Variants in STK31 observed in about 807,000 individuals in gnomAD.
STK31 encodes the protein serine/threonine kinase 31.
A neutral mutation model predicts 129.7 loss-of-function variants in STK31; 89 were observed. The ratio of observed to expected loss-of-function variants is 0.69; its 90% confidence interval spans 0.58 to 0.82. STK31 has a LOEUF of 0.82. Among genes scored for constraint, STK31 ranks in the 40% least tolerant of loss-of-function variants. The pLI is 0.00. For synonymous variants in STK31, 448 were observed against 395.3 expected (o/e 1.13, Z -1.58); for missense variants, 1,187 against 1,176.4 (o/e 1.01, Z -0.13).
At chr7:23,762,982 AT>A in intron 11 of STK31, 59 bp downstream of exon 11, 1 of 1,404,530 alleles carries the variant, frequency 7.1e-7, no homozygotes, top group Non-Finnish European at 9.5e-7. Flanking sequence ...AAGAAGTGAA[AT>A]TAGCATTTAC....
At chr7:23,778,048 C>T (rs1163833297) in intron 15 of STK31, among the ~76,000 whole-genome samples, 2 of 152,168 alleles carry the variant, frequency 1.3e-5, no homozygotes, top group South Asian at 2.1e-4. Context: ...CAAAGTCTCT[C>T]AGCATTTGCT....
At chr7:23,810,668 AAT>A (rs1793040109) in intron 22 of STK31, among the ~76,000 whole-genome samples, 1 of 133,082 alleles carries the variant, frequency 7.5e-6, no homozygotes, top group Non-Finnish European at 1.6e-5. Flanking sequence ...AAAAATATAT[AAT>A]ATATATAAAA....
intron 23 of STK31, among the ~76,000 whole-genome samples, chr7:23,825,508 G>T (rs1794087767): frequency 6.6e-6 from 1 of 151,878 alleles, no homozygotes; most frequent in South Asian, 2.1e-4. Flanking sequence ...TATTAGTCTT[G>T]CTAGCAGTTT....
chr7:23,769,724 A>C lies in STK31; in HGVS notation c.1681A>C (p.Ser561Arg). The part of the protein sequence containing the change: ...IDEILEKTES[S>R]VCKELEIALV... The stretch of plus-strand genomic sequence containing the variant: ...TGAAATCCTAGAGAAGACTGAGTCA[A>C]GTGTCTGCAAAGAGCTGGAGATAGC... Residue 561 changes from serine to arginine, a missense_variant, in exon 13 of 24, where the codon AGT becomes CGT. Physicochemically the swap from Ser to Arg is moderately radical, Grantham distance 110. This residue lies in a region of STK31 where 975 missense variants were observed against 934.9 expected (regional missense o/e 1.04). Coordinates refer to ENST00000355870, the MANE Select transcript of STK31 (RefSeq NM_031414.5). 1 of 1,610,972 alleles carries C rather than the reference A, an allele frequency of 6.2e-7. No homozygotes were observed. Among genetic ancestry groups the C allele is most frequent in the East Asian group, 2.2e-5 (1 of 44,796 alleles).
At chr7:23,754,968 A>G (rs1454951571) in intron 10 of STK31, 1 of 152,494 alleles carries the variant, frequency 6.6e-6, no homozygotes, top group African/African-American at 2.4e-5. Context: ...ATACGTGTGC[A>G]TGTGTCTTTA....
At chr7:23,752,399 G>T (rs1232872677) in intron 8 of STK31, among the ~76,000 whole-genome samples, 3 of 150,220 alleles carry the variant, frequency 2.0e-5, no homozygotes, top group African/African-American at 7.4e-5. Context: ...GCCCAGGCTG[G>T]AGTGCTGTGG....
At chr7:23,797,509 C>T (rs1052642117) in intron 22 of STK31, among the ~76,000 whole-genome samples, 2 of 152,306 alleles carry the variant, frequency 1.3e-5, no homozygotes, top group East Asian at 3.9e-4. Context: ...TCCTGAATGA[C>T]TACTGGGTAA....
At chr7:23,752,160 A>G (rs985619847) in intron 8 of STK31, among the ~76,000 whole-genome samples, 2 of 152,216 alleles carry the variant, frequency 1.3e-5, no homozygotes, top group Non-Finnish European at 2.9e-5. Context: ...ACAATTTAAA[A>G]AAAGACATAG....
chr7:23,732,097 C>A (rs1787467109), intron 6 of STK31, among the ~76,000 whole-genome samples: 1 of 151,862 alleles, frequency 6.6e-6, no homozygotes, highest in Non-Finnish European at 1.5e-5. Flanking sequence ...TGGCTTGAGT[C>A]CAGGAGTTTG....
intron 22 of STK31, among the ~76,000 whole-genome samples, chr7:23,802,488 G>A (rs1177311740): frequency 2.0e-5 from 3 of 152,080 alleles, no homozygotes; most frequent in Non-Finnish European, 4.4e-5. Flanking sequence ...GCACGGAGAC[G>A]TTTGAGGGGA....
chr7:23,717,442 A>T, intron 3 of STK31, 39 bp from the exon 4 acceptor site: 3 of 1,388,162 alleles, frequency 2.2e-6, no homozygotes, highest in Non-Finnish European at 3.0e-6. Context: ...CTGTAAAATA[A>T]TATTTTACTG....
intron 21 of STK31, among the ~76,000 whole-genome samples, chr7:23,790,036 T>C (rs1263050575): frequency 6.6e-6 from 1 of 152,146 alleles, no homozygotes; most frequent in Non-Finnish European, 1.5e-5. Flanking sequence ...TGCAAATTAA[T>C]ATTCAGCATT....
At chr7:23,736,318 T>C (rs1180641406) in intron 7 of STK31, among the ~76,000 whole-genome samples, 3 of 152,222 alleles carry the variant, frequency 2.0e-5, no homozygotes, top group African/African-American at 4.8e-5. Flanking sequence ...TTTCTTCTTC[T>C]TGTGAAAACT....
rs187646099 is a variant in STK31, at chr7:23,823,337, C to G, written c.2829+8125C>G. The stretch of plus-strand genomic sequence containing the variant: ...CATTGTGGTTTTGATTTGCATTTCT[C>G]TGATGGCCAGTGATGATGAGCATTT... On this transcript the variant is annotated intron_variant, in intron 23 of 23. Transcript: ENST00000355870. Among the ~76,000 whole-genome samples, 182 of 152,224 alleles carry G rather than the reference C, an allele frequency of 1.2e-3. 1 individual carries two copies. Among genetic ancestry groups the G allele is most frequent in the Non-Finnish European group, 2.2e-3 (148 of 68,006 alleles).
intron 6 of STK31, 120 bp downstream of exon 6, chr7:23,729,369 G>A: frequency 1.1e-6 from 1 of 910,852 alleles, no homozygotes; most frequent in South Asian, 2.5e-5. Context: ...GTGAAAAATA[G>A]GAATTATAAT....
chr7:23,717,091 A>C (rs1786379739), intron 3 of STK31, among the ~76,000 whole-genome samples: 1 of 83,010 alleles, frequency 1.2e-5, no homozygotes, highest in Non-Finnish European at 2.4e-5. Flanking sequence ...GAGCCATCGC[A>C]ACCTGCTTTT....
intron 20 of STK31, among the ~76,000 whole-genome samples, chr7:23,787,218 T>G (rs757183390): frequency 2.8e-4 from 42 of 152,328 alleles, no homozygotes; most frequent in Non-Finnish European, 5.1e-4. Context: ...CTGTGCTGTA[T>G]GTGAACTGCC....
chr7:23,724,535 C>T (rs62468595), intron 4 of STK31, among the ~76,000 whole-genome samples: 48,802 of 152,082 alleles, frequency 0.32, 8,067 homozygotes, highest in South Asian at 0.42. Context: ...AGCCCTGCCT[C>T]ACCTGGTTTG....
intron 23 of STK31, among the ~76,000 whole-genome samples, chr7:23,830,245 A>AT (rs1794460059): frequency 2.0e-5 from 3 of 152,004 alleles, no homozygotes; most frequent in Non-Finnish European, 4.4e-5. Context: ...CTTTTAAAAA[A>AT]ATTTTTTTTG....
Sources: gnomAD v4.1 joint callset for allele counts (sites outside exome capture counted in the v4.1 genomes callset) on GRCh38, gnomAD v4.1.1 for gene constraint, gnomAD v4.1.1 regional missense constraint, MANE v1.5 for transcripts, NCBI Gene and HGNC (gene_info 2026-07-23, HGNC 2026-07-21) for gene names.